MTFR1: variants seen among roughly 807,000 people sequenced by gnomAD.
MTFR1 encodes the protein chondrocyte protein with a poly-proline region.
Under a neutral mutation model 38.8 loss-of-function variants are expected in MTFR1, and 28 were observed. That is an observed-to-expected ratio of 0.72 (90% CI 0.53 to 0.99). The LOEUF is 0.99. Among genes scored for constraint, MTFR1 ranks in the 50% least tolerant of loss-of-function variants. The pLI, the probability that MTFR1 is intolerant of heterozygous loss-of-function variation, is 0.00. For synonymous variants in MTFR1, 145 were observed against 137.0 expected (o/e 1.06, Z -0.41); for missense variants, 358 against 395.5 (o/e 0.91, Z 0.81).
chr8:65,747,395 T>C (rs554266188), intron 3 of MTFR1, among the ~76,000 whole-genome samples: 1 of 152,352 alleles, frequency 6.6e-6, no homozygotes, highest in African/African-American at 2.4e-5. Context: ...TAATGTTTTA[T>C]TGATCTCCTT....
intron 3 of MTFR1, among the ~76,000 whole-genome samples, chr8:65,765,928 G>C (rs545912963): frequency 6.6e-6 from 1 of 152,250 alleles, no homozygotes; most frequent in Non-Finnish European, 1.5e-5. Context: ...CAAATTTAGA[G>C]CAGAAAAGAG....
At chr8:65,761,517 A>G (rs1298746561) in intron 3 of MTFR1, among the ~76,000 whole-genome samples, 1 of 152,212 alleles carries the variant, frequency 6.6e-6, no homozygotes, top group Non-Finnish European at 1.5e-5. Flanking sequence ...GCTAGTTTAC[A>G]TGGTTACCTA....
At chr8:65,704,077 C>G (rs1006171402) in intron 4 of MTFR1, among the ~76,000 whole-genome samples, 3 of 152,056 alleles carry the variant, frequency 2.0e-5, no homozygotes, top group African/African-American at 7.2e-5. Context: ...CCTATAATTA[C>G]TATGTTTGAG....
chr8:65,763,595 T>C (rs1040875748), intron 3 of MTFR1, among the ~76,000 whole-genome samples: 3 of 152,154 alleles, frequency 2.0e-5, no homozygotes, highest in African/African-American at 4.8e-5. Flanking sequence ...ACTCTTATTG[T>C]TATGGGTTAG....
intron 2 of MTFR1, among the ~76,000 whole-genome samples, chr8:65,678,072 T>A (rs555176860): frequency 6.6e-6 from 1 of 152,176 alleles, no homozygotes; most frequent in Non-Finnish European, 1.5e-5. Context: ...CTCCCTGCCT[T>A]CTCTCTTTCA....
chr8:65,676,562 C>T (rs1228894381), intron 2 of MTFR1, among the ~76,000 whole-genome samples: 2 of 152,106 alleles, frequency 1.3e-5, no homozygotes, highest in Admixed American at 6.6e-5. Flanking sequence ...CAGGGTTTCA[C>T]CATGTTGGCC....
chr8:65,685,279 TATGGGGCACA>T (rs1274046663), intron 3 of MTFR1, among the ~76,000 whole-genome samples: 1 of 152,146 alleles, frequency 6.6e-6, no homozygotes, highest in Non-Finnish European at 1.5e-5. Flanking sequence ...GAGAGTCTAG[TATGGGGCACA>T]GGGCAAGTGG....
At chr8:65,734,786 C>T in intron 3 of MTFR1, 12 of 1,494,886 alleles carry the variant, frequency 8.0e-6, no homozygotes, top group Non-Finnish European at 1.0e-5. Context: ...TCAATGTCAA[C>T]CTCTTACCTT....
At chr8:65,721,253 A>G (rs1806365639) in intron 3 of MTFR1, among the ~76,000 whole-genome samples, 1 of 152,122 alleles carries the variant, frequency 6.6e-6, no homozygotes, top group Non-Finnish European at 1.5e-5. Flanking sequence ...CAAATGCCTT[A>G]CTCTTATCCA....
At chr8:65,740,828 C>G (rs148258395) in intron 3 of MTFR1, among the ~76,000 whole-genome samples, 3 of 152,174 alleles carry the variant, frequency 2.0e-5, no homozygotes, top group Non-Finnish European at 4.4e-5. Flanking sequence ...TCTCAACAAG[C>G]ATCAGCATTC....
At chr8:65,764,262 G>T (rs1304162766) in intron 3 of MTFR1, among the ~76,000 whole-genome samples, 2 of 152,130 alleles carry the variant, frequency 1.3e-5, no homozygotes, top group Non-Finnish European at 2.9e-5. Flanking sequence ...GAAACAACCT[G>T]ATATGACTTC....
At chr8:65,648,183 A>AT (rs1440251102) in intron 1 of MTFR1, among the ~76,000 whole-genome samples, 2 of 151,758 alleles carry the variant, frequency 1.3e-5, no homozygotes, top group African/African-American at 4.8e-5. Flanking sequence ...AGCCCGGCTA[A>AT]TTTTTTCTAT....
intron 3 of MTFR1, among the ~76,000 whole-genome samples, chr8:65,683,404 A>G (rs1036035977): frequency 1.4e-4 from 21 of 152,252 alleles, no homozygotes; most frequent in African/African-American, 5.1e-4. Flanking sequence ...TGCTGGGATT[A>G]CAGGTGTGAG....
intron 3 of MTFR1, among the ~76,000 whole-genome samples, chr8:65,734,156 C>CTCTACAAG (rs1563476464): frequency 2.0e-5 from 3 of 152,192 alleles, no homozygotes; most frequent in African/African-American, 7.2e-5. Context: ...AAGCCTTACC[C>CTCTACAAG]CCAAAACTTG....
intron 2 of MTFR1, among the ~76,000 whole-genome samples, chr8:65,671,320 C>T (rs1268456488): frequency 6.6e-6 from 1 of 151,888 alleles, no homozygotes; most frequent in Non-Finnish European, 1.5e-5. Context: ...ATGGCTGGAG[C>T]CTAGGAATTC....
intron 2 of MTFR1, among the ~76,000 whole-genome samples, chr8:65,672,984 G>A (rs1347626246): frequency 6.6e-6 from 1 of 152,176 alleles, no homozygotes; most frequent in Admixed American, 6.6e-5. Context: ...CACTGTAGTA[G>A]CACTTTAAAT....
At chr8:65,726,418 G>C (rs1305343119) in intron 3 of MTFR1, among the ~76,000 whole-genome samples, 1 of 151,964 alleles carries the variant, frequency 6.6e-6, no homozygotes, top group Non-Finnish European at 1.5e-5. Context: ...ATGCTATTGA[G>C]GACATAAGGC....
At chr8:65,759,989 T>C (rs1043294814) in intron 3 of MTFR1, among the ~76,000 whole-genome samples, 23 of 152,226 alleles carry the variant, frequency 1.5e-4, no homozygotes, top group African/African-American at 4.6e-4. Flanking sequence ...CCTATAATCC[T>C]AGCACTTTGG....
chr8:65,767,203 A>C (rs1808833771), intron 3 of MTFR1, among the ~76,000 whole-genome samples: 1 of 152,232 alleles, frequency 6.6e-6, no homozygotes, highest in African/African-American at 2.4e-5. Flanking sequence ...CAGGGCAAAG[A>C]GGTTAAACAT....
Sources: allele counts gnomAD v4.1 joint callset (sites outside exome capture counted in the v4.1 genomes callset), GRCh38; gene constraint gnomAD v4.1.1; transcripts MANE v1.5; gene names NCBI Gene and HGNC (gene_info 2026-07-23, HGNC 2026-07-21).